PHAF1: variants seen among roughly 807,000 people sequenced by gnomAD.
PHAF1 encodes the protein phagophore assembly factor 1, also known as phagosome assembly factor 1.
Under a neutral mutation model 63.1 loss-of-function variants are expected in PHAF1, and 23 were observed. The observed-to-expected ratio is 0.36, with a 90% CI of 0.26 to 0.52. The LOEUF is 0.52. Among genes scored for constraint, PHAF1 ranks in the 20% least tolerant of loss-of-function variants. PHAF1 has a pLI of 0.93. For missense variants in PHAF1, 427 were observed against 517.2 expected (o/e 0.83, Z 1.69); for synonymous variants, 167 against 185.0 (o/e 0.90, Z 0.79).
chr16:67,125,837 A>G, intron 2 of PHAF1, 122 bp from the exon 3 acceptor site: 1 of 704,662 alleles, frequency 1.4e-6, no homozygotes, highest in Admixed American at 2.3e-5. Flanking sequence ...CATTAGCTGG[A>G]GGAGAGAGGG....
chr16:67,119,576 A>G (rs1328830452), intron 1 of PHAF1, among the ~76,000 whole-genome samples: 1 of 150,268 alleles, frequency 6.7e-6, no homozygotes, highest in African/African-American at 2.5e-5. Context: ...GGCCGAGTGC[A>G]GTGGCGTGAT....
chr16:67,113,858 G>A lies in PHAF1; in HGVS notation c.64+3619G>A, dbSNP rs538983294. Among the ~76,000 whole-genome samples, 91 of 151,210 alleles carry A rather than the reference G, an allele frequency of 6.0e-4. 1 individual carries two copies. Among genetic ancestry groups the A allele is most frequent in the East Asian group, 2.0e-4 (1 of 5,128 alleles). On this transcript the variant is annotated intron_variant, in intron 1 of 15. Transcript: ENST00000219139. ...CTGCCTCTTGCGATTATAGGCTTGCGCACACCAGGTAATTTTTTACTTTTA... is the reference window on the plus strand; with the variant it reads ...CTGCCTCTTGCGATTATAGGCTTGCACACACCAGGTAATTTTTTACTTTTA...
At position 67,134,393 on chromosome 16, in the gene PHAF1, T is replaced by C; in HGVS notation, c.587T>C (p.Val196Ala). 6.2e-7 allele frequency: 1 copy of C among 1,614,192 alleles called. No homozygotes were observed. The highest frequency in any genetic ancestry group is 8.5e-7 in the Non-Finnish European group (1 of 1,180,028). The change falls in exon 8 of 16, where the codon GTC becomes GCC. Residue 196 changes from valine to alanine, a missense_variant. Coordinates refer to ENST00000219139, the MANE Select transcript of PHAF1 (RefSeq NM_025187.5). Reference protein sequence around the residue: ...MMPLSCFLGNVYAESVDVLRD... With the variant: ...MMPLSCFLGNAYAESVDVLRD... ...CCTCTGAGCTGTTTCCTGGGCAATG[T>C]CTATGCTGAGAGTGTAGATGTTCTT...
At chr16:67,118,892 A>C (rs1962864542) in intron 1 of PHAF1, among the ~76,000 whole-genome samples, 1 of 147,624 alleles carries the variant, frequency 6.8e-6, no homozygotes, top group Non-Finnish European at 1.5e-5. Flanking sequence ...CTCTCACCTT[A>C]GCCACCCCAG....
chr16:67,145,697 C>G (rs535759396), intron 14 of PHAF1, 69 bp downstream of exon 14: 16 of 1,510,288 alleles, frequency 1.1e-5, no homozygotes, highest in African/African-American at 1.4e-5. Flanking sequence ...CCAGGGAAGC[C>G]TGGCACAGTG....
intron 6 of PHAF1, 117 bp from the exon 7 acceptor site, chr16:67,134,051 T>A (rs1437464859): frequency 1.2e-6 from 1 of 809,426 alleles, no homozygotes; most frequent in East Asian, 2.5e-5. Flanking sequence ...GGTTTAAGGG[T>A]GTACTTTGAC....
chr16:67,139,597 C>T (rs1430348456), intron 8 of PHAF1: 3 of 174,632 alleles, frequency 1.7e-5, no homozygotes, highest in African/African-American at 7.3e-5. Context: ...AACCCATCCG[C>T]CTTGGCCTCC....
intron 3 of PHAF1, among the ~76,000 whole-genome samples, chr16:67,126,595 G>GT (rs60445297): frequency 0.063 from 8,496 of 134,188 alleles, 806 homozygotes; most frequent in African/African-American, 0.2. Context: ...TTTGTTTTTG[G>GT]TTTTTTTTTT....
Position 67,148,096 on chromosome 16 carries a change from A to T in PHAF1, c.*965A>T, listed in dbSNP as rs9033. The T allele has an allele frequency of 6.6e-6, 1 of 152,554 alleles. No individual in the cohort carries two copies. The highest frequency in any genetic ancestry group is 1.5e-5 in the Non-Finnish European group (1 of 67,998). The allele number at this position is 152,554 out of a possible 1,614,324, so 9.5% of individuals were successfully genotyped here. A position where few individuals can be genotyped will look rare whatever the true frequency, so the allele number is the denominator to read the frequency against. On this transcript the variant is annotated 3_prime_UTR_variant, in exon 16 of 16. Transcript: ENST00000219139. The stretch of plus-strand genomic sequence containing the variant: ...ATCCTTTTGAAAAGAACTGAGAAGA[A>T]AAATGTATAATTTTATCCCATTTTT...
chr16:67,141,311 G>A (rs1389673546), intron 10 of PHAF1, among the ~76,000 whole-genome samples: 3 of 152,164 alleles, frequency 2.0e-5, no homozygotes, highest in Non-Finnish European at 4.4e-5. Flanking sequence ...GCTGATGTCC[G>A]GTCATGAACT....
At chr16:67,137,520 T>C (rs1963655530) in intron 8 of PHAF1, among the ~76,000 whole-genome samples, 1 of 152,062 alleles carries the variant, frequency 6.6e-6, no homozygotes, top group Admixed American at 6.6e-5. Context: ...GGTTTCACCA[T>C]ATTGACCAGG....
At chr16:67,144,777 T>C (rs1162541372) in intron 11 of PHAF1, 57 bp from the exon 12 acceptor site, 4 of 1,569,002 alleles carry the variant, frequency 2.5e-6, no homozygotes, top group Non-Finnish European at 3.5e-6. Flanking sequence ...GGTTGGAATA[T>C]GGGAGTGGCC....
chr16:67,144,256 A>G (rs1201310990), intron 10 of PHAF1, 38 bp from the exon 11 acceptor site: 8 of 1,499,346 alleles, frequency 5.3e-6, no homozygotes, highest in Non-Finnish European at 6.5e-6. Flanking sequence ...CTGCCTCAGT[A>G]ACATTCCCTC....
chr16:67,120,992 C>G (rs895600423), intron 2 of PHAF1, among the ~76,000 whole-genome samples: 3 of 152,050 alleles, frequency 2.0e-5, no homozygotes, highest in African/African-American at 7.3e-5. Context: ...TTACCTATAC[C>G]CAGAGATTAC....
rs1963434726 is a variant in PHAF1 at position 67,132,326 on chromosome 16, T to G, written c.276-120T>G. The G allele has an allele frequency of 3.3e-5, 29 of 866,108 alleles. No individual in the cohort carries two copies. The South Asian group carries it at 4.7e-4, about 14-fold the overall frequency. The allele number at this position is 866,108 out of a possible 1,614,324, so 53.7% of individuals were successfully genotyped here. On this transcript the variant is annotated intron_variant, in intron 4 of 15. Transcript: ENST00000219139. ...AAGTTCTCTAATTAAGCTTTGTATT[T>G]TGATATAATTAGAGACTCACCTGCC...
chr16:67,139,250 C>T (rs1963713532), intron 8 of PHAF1, among the ~76,000 whole-genome samples: 2 of 151,086 alleles, frequency 1.3e-5, no homozygotes, highest in South Asian at 4.2e-4. Context: ...TAAATCCTTG[C>T]ATCTTACCAT....
intron 3 of PHAF1, among the ~76,000 whole-genome samples, chr16:67,128,014 A>C (rs1963255602): frequency 1.3e-5 from 2 of 152,302 alleles, no homozygotes; most frequent in African/African-American, 4.8e-5. Flanking sequence ...TGGTGAAGAC[A>C]ATGTCATATG....
In PHAF1 at chr16:67,140,527, C is replaced by A. The variant is rs535720215; in HGVS notation, c.812C>A (p.Pro271His). ...KSEDKMKIHS[P>H]SPHKQVPSKC... is the part of the protein sequence containing the mutation. The stretch of plus-strand genomic sequence containing the variant: ...TCCCTACAGATGAAAATTCATTCTC[C>A]TTCCCCTCATAAACAAGTTCCATCG... The change falls in exon 10 of 16, where the codon CCT becomes CAT. Residue 271 changes from proline to histidine, a missense_variant. Physicochemically the swap from Pro to His is moderately conservative, Grantham distance 77. Coordinates refer to ENST00000219139, the MANE Select transcript of PHAF1 (RefSeq NM_025187.5). 5 of 1,591,594 alleles carry A rather than the reference C, an allele frequency of 3.1e-6. No homozygotes were observed. Among genetic ancestry groups the A allele is most frequent in the Non-Finnish European group, 4.3e-6 (5 of 1,159,578 alleles).
At chr16:67,145,534 CCTA>C (rs762202127) in intron 13 of PHAF1, 33 bp from the exon 14 acceptor site, 1 of 1,613,524 alleles carries the variant, frequency 6.2e-7, no homozygotes, top group Admixed American at 1.7e-5. Flanking sequence ...TGTTCATGTC[CCTA>C]CTAACCCCTG....
Sources: gnomAD v4.1 joint callset for allele counts (sites outside exome capture counted in the v4.1 genomes callset) on GRCh38, gnomAD v4.1.1 for gene constraint, MANE v1.5 for transcripts, NCBI Gene and HGNC (gene_info 2026-07-23, HGNC 2026-07-21) for gene names.